CDH4: variants seen among roughly 807,000 people sequenced by gnomAD.
CDH4 encodes the protein cadherin 4, also known as cadherin-4.
In CDH4, 33 loss-of-function variants were observed where a neutral mutation model predicts 86.0. The ratio of observed to expected loss-of-function variants is 0.38; its 90% CI spans 0.29 to 0.51. The LOEUF (loss-of-function observed/expected upper bound fraction) is 0.51. Among genes scored for constraint, CDH4 ranks in the 20% least tolerant of loss-of-function variants. The pLI is 0.86. For missense variants in CDH4, 1,114 were observed against 1,307.4 expected (o/e 0.85, Z 2.28); for synonymous variants, 555 against 549.4 (o/e 1.01, Z -0.14).
rs1568777788 is a variant in CDH4 at position 61,275,524 on chromosome 20, ATGCACAGTTTGGGGGAGTACCC to A, written c.169+20591_169+20612del. 1.8e-3 allele frequency among the ~76,000 whole-genome samples: 137 copies of A among 74,236 alleles called. 7 individuals are homozygous for A. The highest frequency in any genetic ancestry group is 5.6e-3 in the African/African-American group (104 of 18,454). The allele number at this position is 74,236 out of a possible 152,430, so 48.7% of individuals were successfully genotyped here. A position where few individuals can be genotyped will look rare whatever the true frequency, so the allele number is the denominator to read the frequency against. On this transcript the variant is annotated intron_variant, in intron 2 of 15. Transcript: ENST00000614565. ...ACTGTGTGCAGTTTGGGGGAGTACC[ATGCACAGTTTGGGGGAGTACCC>A]TGCGCAGTTTGGGGGAGTACCCTGC...
rs1402185985 is a variant in CDH4, at chr20:61,518,583, TATC to T, written c.170-224976_170-224974del. Among the ~76,000 whole-genome samples the T allele has an allele frequency of 3.3e-5, 5 of 151,710 alleles. No homozygotes were observed. The highest frequency in any genetic ancestry group is 7.4e-5 in the Non-Finnish European group (5 of 67,888). On this transcript the variant is annotated intron_variant, in intron 2 of 15. Coordinates refer to ENST00000614565, the MANE Select transcript of CDH4 (RefSeq NM_001794.5). The surrounding 1 kb of genome is among the most constrained non-coding windows in gnomAD (Gnocchi z 6.3). ...TCTATTTGTCATCTATCCATCCATA[TATC>T]ATCCATCCATCATCATCCACTCATC...
rs549068830 is a variant in CDH4, at chr20:61,648,474, G to A, written c.170-95089G>A. Among the ~76,000 whole-genome samples the A allele has an allele frequency of 3.9e-5, 6 of 152,294 alleles. No individual in the cohort carries two copies. In the South Asian group the frequency reaches 1.0e-3, roughly 26 times the overall value. On this transcript the variant is annotated intron_variant, in intron 2 of 15. Transcript: ENST00000614565. Reference sequence around the variant, plus strand: ...CCGAGCTGGAGGCACACCCGGGTCCGCAGCTCCTCACAGGGCCAGCTCTGC... The same window carrying A: ...CCGAGCTGGAGGCACACCCGGGTCCACAGCTCCTCACAGGGCCAGCTCTGC...
chr20:61,486,735 A>G (rs1464458819), intron 2 of CDH4, among the ~76,000 whole-genome samples: 1 of 151,618 alleles, frequency 6.6e-6, no homozygotes, highest in Non-Finnish European at 1.5e-5. Context: ...TAAAAAAAAA[A>G]TTAAGTAGCC....
chr20:61,681,331 ACT>A lies in CDH4; in HGVS notation c.170-62229_170-62228del, dbSNP rs1449432411. Among the ~76,000 whole-genome samples the A allele has an allele frequency of 6.6e-6, 1 of 152,116 alleles. No homozygotes were observed. Among genetic ancestry groups the A allele is most frequent in the Non-Finnish European group, 1.5e-5 (1 of 68,016 alleles). ...CTCTTTTGTCCAAATCATACAAAAT[ACT>A]CTTTCTAAATTGTTAAGATTTTCTG... On this transcript the variant is annotated intron_variant, in intron 2 of 15. Transcript: ENST00000614565. The surrounding 1 kb of genome is among the most constrained non-coding windows in gnomAD (Gnocchi z 4.5).
intron 2 of CDH4, among the ~76,000 whole-genome samples, chr20:61,562,296 G>A (rs1306967884): frequency 9.4e-5 from 9 of 95,700 alleles, no homozygotes; most frequent in Non-Finnish European, 1.2e-4. Context: ...CAGGGCTCCC[G>A]GAGAGAGAGA....
In CDH4 at chr20:61,933,972, C is replaced by T. The variant is rs2055146153; in HGVS notation, c.2380-84C>T. ...CAGGGCAGCAGGTGCATCTGTGGCC[C>T]AGGTGACAGAAAAGGATGCAGGGTG... On this transcript the variant is annotated intron_variant, in intron 14 of 15. Transcript: ENST00000614565. 6.7e-6 allele frequency: 10 copies of T among 1,497,162 alleles called. No individual in the cohort carries two copies. In the Admixed American group the frequency reaches 1.7e-4, roughly 26 times the overall value. 92.7% of individuals were successfully genotyped at this position (1,497,162 alleles called of 1,614,324 possible). A position where few individuals can be genotyped will look rare whatever the true frequency, so the allele number is the denominator to read the frequency against.
chr20:61,854,367 G>C (rs1481333434), intron 6 of CDH4, among the ~76,000 whole-genome samples: 1 of 152,194 alleles, frequency 6.6e-6, no homozygotes, highest in African/African-American at 2.4e-5. Flanking sequence ...TTATACCCTC[G>C]GTCCGCCCCC....
intron 2 of CDH4, among the ~76,000 whole-genome samples, chr20:61,727,337 G>A (rs2088127606): frequency 1.3e-5 from 2 of 150,870 alleles, no homozygotes; most frequent in African/African-American, 2.4e-5. Flanking sequence ...GCCATCATCG[G>A]TGCCTTCATC....
Position 61,469,940 on chromosome 20 carries a change from C to CA in CDH4, c.169+215003_169+215004insA, listed in dbSNP as rs759505928. ...TTATGTGTCTGTTTTTATGCCAGTA[C>CA]CATGCTAATTTGGTTACTATAGCTT... On this transcript the variant is annotated intron_variant, in intron 2 of 15. Transcript: ENST00000614565. Among the ~76,000 whole-genome samples, 1,343 of 152,224 alleles carry CA rather than the reference C, an allele frequency of 8.8e-3. 8 individuals are homozygous for CA. The highest frequency in any genetic ancestry group is 0.013 in the Non-Finnish European group (888 of 68,004).
chr20:61,252,786 T>C lies in CDH4; in HGVS notation c.57+216T>C, dbSNP rs1002338749. ...GGCAGCGGGGAGCGGCGGAGCAGGG[T>C]GGGAGTGGGGCTCGGTGGAGGACCC... On this transcript the variant is annotated intron_variant, in intron 1 of 15. Coordinates refer to ENST00000614565, the MANE Select transcript of CDH4 (RefSeq NM_001794.5). The surrounding 1 kb of genome is among the most constrained non-coding windows in gnomAD (Gnocchi z 4.4). Among the ~76,000 whole-genome samples, 2 of 148,914 alleles carry C rather than the reference T, an allele frequency of 1.3e-5. No individual in the cohort carries two copies. Among genetic ancestry groups the C allele is most frequent in the Non-Finnish European group, 3.0e-5 (2 of 66,950 alleles).
chr20:61,487,775 T>G (rs2145585355), intron 2 of CDH4, among the ~76,000 whole-genome samples: 1 of 152,304 alleles, frequency 6.6e-6, no homozygotes, highest in Non-Finnish European at 1.5e-5. Context: ...AGCTGCCAAG[T>G]TCACCCCGTG....
At chr20:61,768,204 G>C (rs1035500414) in intron 3 of CDH4, among the ~76,000 whole-genome samples, 1 of 152,042 alleles carries the variant, frequency 6.6e-6, no homozygotes, top group African/African-American at 2.4e-5. Context: ...CACACACACA[G>C]ACACACAAAC....
chr20:61,455,584 A>G (rs2145552233), intron 2 of CDH4, among the ~76,000 whole-genome samples: 1 of 152,286 alleles, frequency 6.6e-6, no homozygotes, highest in South Asian at 2.1e-4. Flanking sequence ...GTAATCATAA[A>G]CTTCTAGGAC....
chr20:61,869,404 C>T (rs1438527586), intron 6 of CDH4, among the ~76,000 whole-genome samples: 1 of 152,250 alleles, frequency 6.6e-6, no homozygotes, highest in East Asian at 1.9e-4. Context: ...GAATGTGTGC[C>T]CGCAAAGCCT....
chr20:61,485,092 G>A (rs75874731), intron 2 of CDH4, among the ~76,000 whole-genome samples: 1 of 152,154 alleles, frequency 6.6e-6, no homozygotes, highest in Admixed American at 6.5e-5. Flanking sequence ...GAATTGGCAT[G>A]CTGTGCTTCA....
chr20:61,258,597 C>T (rs920659212), intron 2 of CDH4, among the ~76,000 whole-genome samples: 11 of 152,198 alleles, frequency 7.2e-5, no homozygotes, highest in African/African-American at 2.2e-4. Flanking sequence ...TCTTGGCCAA[C>T]AGAATAAAAC....
chr20:61,930,657 AG>A (rs2055096029), intron 13 of CDH4, among the ~76,000 whole-genome samples: 1 of 152,216 alleles, frequency 6.6e-6, no homozygotes, highest in Non-Finnish European at 1.5e-5. Flanking sequence ...CCCTGTCCAA[AG>A]GATGTCTGAG....
Position 61,269,758 on chromosome 20 carries a change from G to A in CDH4, c.169+14821G>A, listed in dbSNP as rs1220940724. Among the ~76,000 whole-genome samples, 1 of 152,162 alleles carries A rather than the reference G, an allele frequency of 6.6e-6. No homozygotes were observed. Among genetic ancestry groups the A allele is most frequent in the Non-Finnish European group, 1.5e-5 (1 of 68,030 alleles). On this transcript the variant is annotated intron_variant, in intron 2 of 15. Transcript: ENST00000614565. This position sits in a 1 kb window ranked among gnomAD's most constrained non-coding sequence, Gnocchi z 5.3. ...TGACCTGCCTGGCTGCTGATATTTG[G>A]GAAAGGTGAGTTGCTCTCCCAACCC...
In CDH4 at chr20:61,811,949, GGCATGAGCCACT is replaced by G. The variant is rs1446139496; in HGVS notation, c.577-32715_577-32704del. Among the ~76,000 whole-genome samples the G allele has an allele frequency of 1.3e-5, 2 of 152,128 alleles. No homozygotes were observed. Among genetic ancestry groups the G allele is most frequent in the Non-Finnish European group, 2.9e-5 (2 of 68,026 alleles). ...GGCCTCCCAAAGTGCTAGGATTATA[GGCATGAGCCACT>G]GCACCTAGCCGCCTGCTGTCCTTCA... On this transcript the variant is annotated intron_variant, in intron 4 of 15. Coordinates refer to ENST00000614565, the MANE Select transcript of CDH4 (RefSeq NM_001794.5). The surrounding 1 kb of genome is among the most constrained non-coding windows in gnomAD (Gnocchi z 4.4).
Sources: gnomAD v4.1 joint callset for allele counts (sites outside exome capture counted in the v4.1 genomes callset) on GRCh38, gnomAD v4.1.1 for gene constraint, Gnocchi (gnomAD v3.1) non-coding constraint, MANE v1.5 for transcripts, NCBI Gene and HGNC (gene_info 2026-07-23, HGNC 2026-07-21) for gene names.